YTHDF3: variants seen among roughly 807,000 people sequenced by gnomAD.
YTHDF3 encodes the protein YTH N6-methyladenosine RNA binding protein F3.
Under a neutral mutation model 52.5 loss-of-function variants are expected in YTHDF3, and 9 were observed. The observed-to-expected ratio is 0.17, with a 90% CI of 0.10 to 0.30. The LOEUF is 0.30. Ranked by LOEUF, YTHDF3 falls within the 10% of genes least tolerant of loss-of-function variation. The pLI, the probability that YTHDF3 is intolerant of heterozygous loss-of-function variation, is 1.00. For missense variants in YTHDF3, 534 were observed against 715.0 expected, an observed-to-expected ratio of 0.75 and a Z score of 2.89; for synonymous variants, 274 against 243.3, an observed-to-expected ratio of 1.13 and a Z score of -1.18.
chr8:63,196,561 T>TA (rs945993019), intron 4 of YTHDF3, among the ~76,000 whole-genome samples: 1,523 of 131,874 alleles, frequency 0.012, 9 homozygotes, highest in African/African-American at 0.033. Flanking sequence ...GACTCCGTCT[T>TA]AAAAAAAAAA....
intron 4 of YTHDF3, among the ~76,000 whole-genome samples, chr8:63,204,156 T>A (rs1419275880): frequency 6.6e-6 from 1 of 152,170 alleles, no homozygotes; most frequent in Non-Finnish European, 1.5e-5. Flanking sequence ...ACTGGAATAT[T>A]CATTTTTGTC....
chr8:63,180,382 TG>T (rs1485096388), intron 3 of YTHDF3, among the ~76,000 whole-genome samples: 1 of 147,042 alleles, frequency 6.8e-6, no homozygotes, highest in Non-Finnish European at 1.5e-5. Context: ...GATGGGCGGC[TG>T]GGCAGAGACG....
At chr8:63,205,042 A>G (rs1179876471) in intron 4 of YTHDF3, among the ~76,000 whole-genome samples, 1 of 152,148 alleles carries the variant, frequency 6.6e-6, no homozygotes, top group Non-Finnish European at 1.5e-5. Context: ...TGAAAAAGAC[A>G]GGAGTTGGCA....
rs1023451890 is a variant in YTHDF3, at chr8:63,210,460, A to C, written c.*754A>C. ...TATTTTGTTTGCTACCACTTAATGA[A>C]TCTCAAAATTTTGAGTAAATGTACC... On this transcript the variant is annotated 3_prime_UTR_variant, in exon 5 of 5. Coordinates refer to ENST00000539294, the MANE Select transcript of YTHDF3 (RefSeq NM_152758.6). 1.3e-5 allele frequency: 2 copies of C among 152,562 alleles called. No individual in the cohort carries two copies. Among genetic ancestry groups the C allele is most frequent in the Admixed American group, 6.5e-5 (1 of 15,282 alleles). The allele number at this position is 152,562 out of a possible 1,614,324, so 9.5% of individuals were successfully genotyped here.
chr8:63,189,739 T>G (rs1225802623), intron 4 of YTHDF3, among the ~76,000 whole-genome samples: 1 of 152,180 alleles, frequency 6.6e-6, no homozygotes, highest in African/African-American at 2.4e-5. Context: ...CATCCCTTGG[T>G]ATATTTGATA....
At chr8:63,188,298 T>TTG (rs1031272329) in intron 4 of YTHDF3, among the ~76,000 whole-genome samples, 3 of 151,896 alleles carry the variant, frequency 2.0e-5, no homozygotes, top group African/African-American at 7.3e-5. Context: ...AACCTGGCAC[T>TTG]TAAAACAAGT....
intron 4 of YTHDF3, among the ~76,000 whole-genome samples, chr8:63,204,884 G>T (rs189663319): frequency 6.6e-6 from 1 of 152,096 alleles, no homozygotes. Context: ...TAAATCTACC[G>T]AAGATTACAA....
In YTHDF3 at chr8:63,175,144, T is replaced by C. The variant is rs150003078; in HGVS notation, c.50-187T>C. ...ATCTTGGGCTTATGTATCAAAAGAC[T>C]TTTAAGTTTTTGTGGCACATGAATA... On this transcript the variant is annotated intron_variant, in intron 2 of 4. Coordinates refer to ENST00000539294, the MANE Select transcript of YTHDF3 (RefSeq NM_152758.6). 1.8e-3 allele frequency among the ~76,000 whole-genome samples: 268 copies of C among 152,230 alleles called. 2 individuals are homozygous for C. The highest frequency in any genetic ancestry group is 6.2e-3 in the African/African-American group (256 of 41,508).
intron 3 of YTHDF3, among the ~76,000 whole-genome samples, chr8:63,182,259 T>TTTC (rs1554535401): frequency 7.2e-6 from 1 of 138,038 alleles, no homozygotes; most frequent in East Asian, 2.3e-4. Flanking sequence ...TTTTTTTTTT[T>TTTC]AATGAGATAG....
At chr8:63,173,684 A>ATACC (rs1447222653) in intron 2 of YTHDF3, 3 of 985,202 alleles carry the variant, frequency 3.0e-6, no homozygotes, top group Non-Finnish European at 3.6e-6. Flanking sequence ...GAGAACAGGT[A>ATACC]TGTCAGAATC....
At chr8:63,199,455 A>T (rs1281819220) in intron 4 of YTHDF3, among the ~76,000 whole-genome samples, 1 of 152,216 alleles carries the variant, frequency 6.6e-6, no homozygotes, top group East Asian at 1.9e-4. Flanking sequence ...TGCAGTTCAC[A>T]CCAGTGTTGT....
At position 63,186,614 on chromosome 8, in the gene YTHDF3, A is replaced by G. The variant is rs376355048; in HGVS notation, c.603A>G (p.Thr201=). The G allele has an allele frequency of 8.7e-6, 14 of 1,613,890 alleles. No homozygotes were observed. The highest frequency in any genetic ancestry group is 3.3e-5 in the South Asian group (3 of 91,088). Residue 201 remains threonine (T), a synonymous_variant, in exon 4 of 5, where the codon ACA becomes ACG. Transcript: ENST00000539294. ...GACTGAAAATTGGTGGTGACCTGAC[A>G]GCTGCAGTGACAAAAACTGTAGGTA... is the stretch of plus-strand genomic sequence containing the variant. ...MTGLKIGGDL[T]AAVTKTVGTA...
In YTHDF3 at chr8:63,202,592, G is replaced by T. The variant is rs1270017427; in HGVS notation, c.1735-7091G>T. Among the ~76,000 whole-genome samples, 9 of 152,004 alleles carry T rather than the reference G, an allele frequency of 5.9e-5. No homozygotes were observed. The East Asian group carries it at 1.4e-3, about 23-fold the overall frequency. On this transcript the variant is annotated intron_variant, in intron 4 of 4. Coordinates refer to ENST00000539294, the MANE Select transcript of YTHDF3 (RefSeq NM_152758.6). ...TTCTCCTGTCCCAGCCTCCCAAGTA[G>T]CTGGGATTACAGGTGCCCGCCACCA...
Position 63,208,089 on chromosome 8 carries a change from TAATC to T in YTHDF3, c.1735-1593_1735-1590del, listed in dbSNP as rs1367910458. The stretch of plus-strand genomic sequence containing the variant: ...TTTGTTTACTCTCTTGAAATGTACT[TAATC>T]TAGCTAGCTCTGTTTTTGTTATTTT... On this transcript the variant is annotated intron_variant, in intron 4 of 4. Transcript: ENST00000539294. 2.0e-5 allele frequency among the ~76,000 whole-genome samples: 3 copies of T among 152,332 alleles called. No individual in the cohort carries two copies. The South Asian group carries it at 6.2e-4, about 32-fold the overall frequency.
At chr8:63,172,371 T>A (rs1381366441) in intron 2 of YTHDF3, among the ~76,000 whole-genome samples, 1 of 152,214 alleles carries the variant, frequency 6.6e-6, no homozygotes, top group East Asian at 1.9e-4. Flanking sequence ...ACAGGATTTA[T>A]CTTTTTCCTC....
chr8:63,196,239 G>A (rs1218281157), intron 4 of YTHDF3, among the ~76,000 whole-genome samples: 1 of 150,116 alleles, frequency 6.7e-6, no homozygotes, highest in African/African-American at 2.5e-5. Flanking sequence ...CAGCTTGGGC[G>A]ACAGAAGTCT....
At position 63,186,427 on chromosome 8, in the gene YTHDF3, G is replaced by A. The variant is rs753463627; in HGVS notation, c.416G>A (p.Ser139Asn). 2 of 1,613,914 alleles carry A rather than the reference G, an allele frequency of 1.2e-6. No individual in the cohort carries two copies. Among genetic ancestry groups the A allele is most frequent in the African/African-American group, 1.3e-5 (1 of 74,930 alleles). Residue 139 changes from serine (S) to asparagine (N), a missense_variant, in exon 4 of 5, where the codon AGT (serine) becomes AAT (asparagine). Around this residue, in one of 3 missense-constraint regions of YTHDF3, gnomAD observed 196 missense variants for 299.5 expected, o/e 0.65. Coordinates refer to ENST00000539294, the MANE Select transcript of YTHDF3 (RefSeq NM_152758.6). ...GCTGATTTCTCTACATGGGGGACAA[G>A]TGGATCTCAGGGACAATCAACACAA... ...GNADFSTWGT[S>N]GSQGQSTQSS...
rs144609776 is a variant in YTHDF3 at position 63,175,705 on chromosome 8, G to C, written c.135+289G>C. On this transcript the variant is annotated intron_variant, in intron 3 of 4. Transcript: ENST00000539294. The stretch of plus-strand genomic sequence containing the variant: ...GGTTTTTTGTGTGTGTGTATTGAAG[G>C]AACTTAATCTTTTAATGTCACTGCT... 315 of 213,884 alleles carry C rather than the reference G, an allele frequency of 1.5e-3. 2 individuals carry two copies. Among genetic ancestry groups the C allele is most frequent in the East Asian group, 0.011 (119 of 10,562 alleles). The allele number at this position is 213,884 out of a possible 1,614,324, so 13.2% of individuals were successfully genotyped here.
Position 63,187,188 on chromosome 8 carries a change from C to G in YTHDF3, c.1177C>G (p.Pro393Ala). The change falls in exon 4 of 5, where the codon CCC becomes GCC. Residue 393 changes from proline (P) to alanine (A), a missense_variant. By Grantham distance (27) the Pro-to-Ala change is conservative (BLOSUM62 -1). Coordinates refer to ENST00000539294, the MANE Select transcript of YTHDF3 (RefSeq NM_152758.6). ...SASPSSVEVH[P>A]VLEKLKAINN... Reference sequence around the variant, plus strand: ...TTCACCTTCTAGTGTAGAAGTGCATCCCGTGCTGGAAAAGCTAAAGGCCAT... The same window carrying G: ...TTCACCTTCTAGTGTAGAAGTGCATGCCGTGCTGGAAAAGCTAAAGGCCAT... 1 of 1,613,976 alleles carries G rather than the reference C, an allele frequency of 6.2e-7. No homozygotes were observed. The highest frequency in any genetic ancestry group is 1.1e-5 in the South Asian group (1 of 91,084).
Sources: gnomAD v4.1 joint callset for allele counts (sites outside exome capture counted in the v4.1 genomes callset) on GRCh38, gnomAD v4.1.1 for gene constraint, gnomAD v4.1.1 regional missense constraint, MANE v1.5 for transcripts, NCBI Gene and HGNC (gene_info 2026-07-23, HGNC 2026-07-21) for gene names.